Variants in BBS9 observed in about 807,000 individuals in gnomAD.
BBS9 encodes the protein Bardet-Biedl syndrome 9.
Under a neutral mutation model 117.7 loss-of-function variants are expected in BBS9, and 89 were observed. That is an observed-to-expected ratio of 0.76 (90% confidence interval 0.64 to 0.90). BBS9 has a LOEUF of 0.90. Ranked by LOEUF, BBS9 falls within the 40% of genes least tolerant of loss-of-function variation. The pLI, the probability that BBS9 is intolerant of heterozygous loss-of-function variation, is 0.00. For missense variants in BBS9, 982 were observed against 1,042.2 expected (o/e 0.94, Z 0.80); for synonymous variants, 379 against 370.9 (o/e 1.02, Z -0.25).
intron 21 of BBS9, among the ~76,000 whole-genome samples, chr7:33,588,704 A>G (rs1861370445): frequency 6.6e-6 from 1 of 152,160 alleles, no homozygotes; most frequent in Non-Finnish European, 1.5e-5. Flanking sequence ...ATAATTTCAA[A>G]TTGGGTGGTC....
At chr7:33,615,329 A>G (rs1389820935) in intron 21 of BBS9, among the ~76,000 whole-genome samples, 2 of 152,124 alleles carry the variant, frequency 1.3e-5, no homozygotes, top group African/African-American at 4.8e-5. Context: ...ACTCTAGTAT[A>G]CTAAGGGTTC....
intron 19 of BBS9, among the ~76,000 whole-genome samples, chr7:33,458,820 G>A (rs1160755584): frequency 3.3e-5 from 5 of 152,040 alleles, no homozygotes; most frequent in Non-Finnish European, 7.4e-5. Flanking sequence ...TAGTACTCTG[G>A]GCTCAGTGAG....
rs189815657 is a variant in BBS9, at chr7:33,195,322, G to T, written c.442+17731G>T. 2.3e-3 allele frequency among the ~76,000 whole-genome samples: 343 copies of T among 152,270 alleles called. 4 individuals are homozygous for T. Among genetic ancestry groups the T allele is most frequent in the African/African-American group, 7.6e-3 (314 of 41,556 alleles). On this transcript the variant is annotated intron_variant, in intron 5 of 22. Coordinates refer to ENST00000242067, the MANE Select transcript of BBS9 (RefSeq NM_198428.3). The stretch of plus-strand genomic sequence containing the variant: ...CTTTGGGGTTATTTTTTTAGAACAC[G>T]TTAGCTCAGTTCCATTATTCTAGCC...
rs114598466 is a variant in BBS9, at chr7:33,416,129, T to A, written c.2115+27985T>A. On this transcript the variant is annotated intron_variant, in intron 19 of 22. Coordinates refer to ENST00000242067, the MANE Select transcript of BBS9 (RefSeq NM_198428.3). The stretch of plus-strand genomic sequence containing the variant: ...GATTATAGGTGTGAGCCACCATGGC[T>A]GGCTTCACATAGTGTTTCTATCAAA... Among the ~76,000 whole-genome samples, 1,322 of 152,272 alleles carry A rather than the reference T, an allele frequency of 8.7e-3. 22 individuals carry two copies. Among genetic ancestry groups the A allele is most frequent in the African/African-American group, 0.031 (1,270 of 41,548 alleles).
intron 19 of BBS9, among the ~76,000 whole-genome samples, chr7:33,414,537 T>C (rs930373882): frequency 1.3e-5 from 2 of 152,208 alleles, no homozygotes; most frequent in African/African-American, 4.8e-5. Context: ...TGCATTATTT[T>C]AAAAATTGGG....
At chr7:33,623,375 CT>C (rs1293822913) in intron 21 of BBS9, among the ~76,000 whole-genome samples, 16 of 152,150 alleles carry the variant, frequency 1.1e-4, no homozygotes, top group African/African-American at 3.9e-4. Context: ...AAGGAGAAGT[CT>C]ACAAATACCA....
At chr7:33,258,800 GATA>G (rs1240808676) in intron 6 of BBS9, among the ~76,000 whole-genome samples, 1 of 152,150 alleles carries the variant, frequency 6.6e-6, no homozygotes, top group Non-Finnish European at 1.5e-5. Context: ...GAATTAATTT[GATA>G]ATAACTCTGG....
intron 21 of BBS9, among the ~76,000 whole-genome samples, chr7:33,619,250 A>G (rs1015390800): frequency 6.6e-6 from 1 of 152,182 alleles, no homozygotes; most frequent in South Asian, 2.1e-4. Flanking sequence ...ATGTCACAAG[A>G]AACAAAGATA....
intron 21 of BBS9, among the ~76,000 whole-genome samples, chr7:33,620,472 TGAAAAAGAAATCA>T (rs1297816350): frequency 4.0e-5 from 6 of 151,526 alleles, no homozygotes; most frequent in Non-Finnish European, 5.9e-5. Context: ...AGAAACTACC[TGAAAAAGAAATCA>T]AGAAAAATCC....
chr7:33,196,480 G>T (rs1439608065), intron 5 of BBS9, among the ~76,000 whole-genome samples: 1 of 152,168 alleles, frequency 6.6e-6, no homozygotes, highest in Non-Finnish European at 1.5e-5. Flanking sequence ...TTGTGTGGGG[G>T]TGTTAGTGCT....
At chr7:33,203,186 G>T (rs1368644414) in intron 5 of BBS9, among the ~76,000 whole-genome samples, 1 of 152,100 alleles carries the variant, frequency 6.6e-6, no homozygotes, top group Admixed American at 6.5e-5. Flanking sequence ...ACAGAATTTG[G>T]GAATACATGC....
At chr7:33,290,829 A>T (rs1013767753) in intron 9 of BBS9, among the ~76,000 whole-genome samples, 4 of 152,206 alleles carry the variant, frequency 2.6e-5, no homozygotes, top group African/African-American at 9.6e-5. Context: ...GAGTATGGTT[A>T]TAAATAGGTG....
intron 21 of BBS9, among the ~76,000 whole-genome samples, chr7:33,562,192 T>G (rs1856188052): frequency 6.6e-6 from 1 of 152,220 alleles, no homozygotes; most frequent in Admixed American, 6.5e-5. Flanking sequence ...TAGTTGACCC[T>G]TAGATTTACC....
Position 33,537,021 on chromosome 7 carries a change from T to A in BBS9, c.2521+2845T>A, listed in dbSNP as rs2598410. Among the ~76,000 whole-genome samples the A allele has an allele frequency of 8.8e-3, 1,340 of 151,734 alleles. 24 individuals carry two copies. The highest frequency in any genetic ancestry group is 0.031 in the African/African-American group (1,271 of 41,372). On this transcript the variant is annotated intron_variant, in intron 21 of 22. Transcript: ENST00000242067. The stretch of plus-strand genomic sequence containing the variant: ...CTGGATTACTGAATAAGCATAAAAG[T>A]TTTTTTTGCAGAGATGATCTTTTTT...
chr7:33,541,079 C>T (rs1585183678), intron 21 of BBS9, among the ~76,000 whole-genome samples: 1 of 152,122 alleles, frequency 6.6e-6, no homozygotes, highest in Non-Finnish European at 1.5e-5. Context: ...TTTCCATCTT[C>T]GTGCTCCCCT....
At chr7:33,387,324 G>T (rs78773033) in intron 18 of BBS9, among the ~76,000 whole-genome samples, 4,280 of 152,024 alleles carry the variant, frequency 0.028, 198 homozygotes, top group African/African-American at 0.093. Flanking sequence ...TTTTTCTATT[G>T]GATTGTTGCT....
intron 5 of BBS9, among the ~76,000 whole-genome samples, chr7:33,222,773 C>A (rs1166219276): frequency 6.6e-6 from 1 of 151,520 alleles, no homozygotes; most frequent in East Asian, 1.9e-4. Flanking sequence ...ATTGGTTAAA[C>A]CCCCGTGTCT....
intron 2 of BBS9, among the ~76,000 whole-genome samples, chr7:33,148,554 G>C (rs1434529966): frequency 6.6e-6 from 1 of 152,076 alleles, no homozygotes; most frequent in Non-Finnish European, 1.5e-5. Context: ...GTAGAGACAG[G>C]GTTTTGCCAT....
chr7:33,200,127 T>C (rs2128208968), intron 5 of BBS9, among the ~76,000 whole-genome samples: 1 of 152,110 alleles, frequency 6.6e-6, no homozygotes, highest in Non-Finnish European at 1.5e-5. Flanking sequence ...TTTTGATTAT[T>C]GACACTTCCT....
Sources: allele counts gnomAD v4.1 joint callset (sites outside exome capture counted in the v4.1 genomes callset), GRCh38; gene constraint gnomAD v4.1.1; transcripts MANE v1.5; gene names NCBI Gene and HGNC (gene_info 2026-07-23, HGNC 2026-07-21).